CCDC33: variants seen among roughly 807,000 people sequenced by gnomAD.
CCDC33 encodes coiled-coil domain containing 33.
CCDC33 carries 94 observed loss-of-function variants against 91.9 expected under a neutral mutation model. The ratio of observed to expected loss-of-function variants is 1.02; its 90% CI spans 0.87 to 1.21. The LOEUF is 1.21. Among genes scored for constraint, CCDC33 ranks in the 50% most tolerant of loss-of-function variants. The pLI is 0.00. For synonymous variants in CCDC33, 396 were observed against 374.5 expected (o/e 1.06, Z -0.66); for missense variants, 940 against 935.5 (o/e 1.00, Z -0.06).
intron 2 of CCDC33, chr15:74,209,600 C>T (rs2074338485): frequency 3.1e-6 from 2 of 650,134 alleles, no homozygotes; most frequent in African/African-American, 1.8e-5. Flanking sequence ...TTTCTCACTT[C>T]TCACAGACAG....
At chr15:74,279,549 A>C (rs938346858) in intron 7 of CCDC33, among the ~76,000 whole-genome samples, 1 of 151,862 alleles carries the variant, frequency 6.6e-6, no homozygotes, top group Non-Finnish European at 1.5e-5. Context: ...TATTTTATTT[A>C]TTTAGAGACG....
chr15:74,322,755 C>T lies in CCDC33; in HGVS notation c.1291-7434C>T, dbSNP rs2060232009. Among the ~76,000 whole-genome samples, 4 of 152,164 alleles carry T rather than the reference C, an allele frequency of 2.6e-5. No individual in the cohort carries two copies. In the South Asian group the frequency reaches 8.3e-4, roughly 32 times the overall value. ...GCTGAAGCTGAGTGTCTGTGGGAGG[C>T]GGCTGCCCTCTGCTGACTGCAAAGG... On this transcript the variant is annotated intron_variant, in intron 11 of 18. Transcript: ENST00000398814.
chr15:74,332,773 G>A lies in CCDC33; in HGVS notation c.1866G>A (p.Ala622=), dbSNP rs377610899. The part of the protein sequence containing the change: ...ELYSVLLAEN[A]KLRTELDKNR... ...ACTCGGTGCTGCTGGCAGAAAACGC[G>A]AAGCTGCGGACGGAGCTGGATAAGA... Residue 622 remains alanine (A), a synonymous_variant, in exon 16 of 19, where the codon GCG becomes GCA. Coordinates refer to ENST00000398814, the MANE Select transcript of CCDC33 (RefSeq NM_025055.5). The A allele has an allele frequency of 1.3e-4, 209 of 1,614,212 alleles. No homozygotes were observed. In the African/African-American group the frequency reaches 1.4e-3, roughly 11 times the overall value.
intron 2 of CCDC33, among the ~76,000 whole-genome samples, chr15:74,249,867 G>C (rs2075651069): frequency 6.6e-6 from 1 of 152,124 alleles, no homozygotes. Context: ...AGCCCCTCCA[G>C]ACAACTCAGT....
intron 7 of CCDC33, among the ~76,000 whole-genome samples, chr15:74,275,765 G>GGTCAAGCAA: frequency 6.6e-6 from 1 of 152,082 alleles, no homozygotes; most frequent in South Asian, 2.1e-4. Flanking sequence ...TGCCTCCTGG[G>GGTCAAGCAA]TTCAAGCAAT....
chr15:74,213,821 G>A (rs2074390400), upstream of CCDC33, among the ~76,000 whole-genome samples: 1 of 152,222 alleles, frequency 6.6e-6, no homozygotes, highest in Non-Finnish European at 1.5e-5. Flanking sequence ...GCTGCTGCAG[G>A]GGGCTGGGTG....
rs1024928789 is a variant in CCDC33 at position 74,218,606 on chromosome 15, C to T, written c.420C>T (p.Pro140=). The change falls in exon 2 of 3, where the codon CCC becomes CCT. Residue 140 remains proline (P), a synonymous_variant. Transcript: ENST00000635913. This position sits in a 1 kb window ranked among gnomAD's most constrained non-coding sequence, Gnocchi z 4.8. Reference sequence around the variant, plus strand: ...AGCGGGTGGGTGAGGCCATCTTCCCCATCTACCCGAGGCCAGACCAACCCC... The same window carrying T: ...AGCGGGTGGGTGAGGCCATCTTCCCTATCTACCCGAGGCCAGACCAACCCC... 13 of 1,289,742 alleles carry T rather than the reference C, an allele frequency of 1.0e-5. No homozygotes were observed. The African/African-American group carries it at 2.0e-4, about 20-fold the overall frequency. 79.9% of individuals were successfully genotyped at this position (1,289,742 alleles called of 1,614,324 possible).
intron 11 of CCDC33, among the ~76,000 whole-genome samples, chr15:74,320,466 C>T (rs1387933129): frequency 3.9e-5 from 6 of 152,172 alleles, no homozygotes; most frequent in African/African-American, 1.4e-4. Context: ...CAAGGCCTGC[C>T]TCCCACCGGG....
chr15:74,336,183 G>T (rs1177358578), downstream of CCDC33: 13 of 1,458,812 alleles, frequency 8.9e-6, no homozygotes, highest in Non-Finnish European at 1.2e-5. Flanking sequence ...TGGGGGCCCT[G>T]CTTCCTCCTC....
intron 18 of CCDC33, 55 bp from the exon 19 acceptor site, chr15:74,335,870 C>T: frequency 7.4e-7 from 1 of 1,352,910 alleles, no homozygotes; most frequent in Non-Finnish European, 1.1e-6. Flanking sequence ...TGCCCTTGAG[C>T]AGGTCACCCC....
intron 18 of CCDC33, chr15:74,335,584 G>T (rs889712553): frequency 8.8e-6 from 3 of 341,110 alleles, no homozygotes; most frequent in Non-Finnish European, 1.6e-5. Context: ...CCCCGGGACC[G>T]CCCAGCCCCG....
chr15:74,297,158 C>T (rs1015190680), intron 11 of CCDC33, among the ~76,000 whole-genome samples: 8 of 152,248 alleles, frequency 5.3e-5, no homozygotes, highest in African/African-American at 7.2e-5. Flanking sequence ...CACCCTGGAG[C>T]AGGGCCATCC....
intron 16 of CCDC33, among the ~76,000 whole-genome samples, chr15:74,333,607 G>A (rs999764536): frequency 5.9e-5 from 9 of 152,146 alleles, no homozygotes; most frequent in African/African-American, 2.2e-4. Context: ...GTTAATTATA[G>A]GGGGCTCCCT....
At chr15:74,294,938 T>G (rs1421991267) in intron 10 of CCDC33, among the ~76,000 whole-genome samples, 2 of 152,066 alleles carry the variant, frequency 1.3e-5, no homozygotes, top group Non-Finnish European at 2.9e-5. Context: ...ATGACAGTGA[T>G]AATCCTGCCA....
At chr15:74,282,941 G>A (rs957806012) in intron 10 of CCDC33, among the ~76,000 whole-genome samples, 1 of 152,210 alleles carries the variant, frequency 6.6e-6, no homozygotes, top group Non-Finnish European at 1.5e-5. Context: ...AGGGACTAAT[G>A]TCCGCGCCAA....
chr15:74,215,107 G>A (rs2074406030), upstream of CCDC33, among the ~76,000 whole-genome samples: 1 of 152,186 alleles, frequency 6.6e-6, no homozygotes, highest in Non-Finnish European at 1.5e-5. Flanking sequence ...TCACAGGGGA[G>A]GAGGCTTTTA....
intron 2 of CCDC33, among the ~76,000 whole-genome samples, chr15:74,254,602 C>T (rs889608392): frequency 1.3e-5 from 2 of 152,168 alleles, no homozygotes; most frequent in African/African-American, 2.4e-5. Flanking sequence ...CTTCTTTCCT[C>T]GCCTCCAGGA....
chr15:74,254,635 A>G (rs901066990), intron 2 of CCDC33, among the ~76,000 whole-genome samples: 4 of 150,206 alleles, frequency 2.7e-5, no homozygotes, highest in African/African-American at 9.9e-5. Flanking sequence ...CTGATTTTCT[A>G]CCCTGTCTCT....
chr15:74,268,130 T>C (rs1266931615), intron 4 of CCDC33, among the ~76,000 whole-genome samples: 1 of 152,202 alleles, frequency 6.6e-6, no homozygotes, highest in East Asian at 1.9e-4. Flanking sequence ...GTGGTCCTTG[T>C]GAGGGTGATG....
Sources: gnomAD v4.1 joint callset for allele counts (sites outside exome capture counted in the v4.1 genomes callset) on GRCh38, gnomAD v4.1.1 for gene constraint, Gnocchi (gnomAD v3.1) non-coding constraint, MANE v1.5 for transcripts, NCBI Gene and HGNC (gene_info 2026-07-23, HGNC 2026-07-21) for gene names.